Variants in SLMAP observed in about 807,000 individuals in gnomAD.
The protein encoded by SLMAP is sarcolemmal membrane-associated protein.
Under a neutral mutation model 128.8 loss-of-function variants are expected in SLMAP, and 44 were observed. The ratio of observed to expected loss-of-function variants is 0.34; its 90% CI spans 0.27 to 0.44. The LOEUF is 0.44. Ranked by LOEUF, SLMAP falls within the 20% of genes least tolerant of loss-of-function variation. SLMAP has a pLI of 1.00. For synonymous variants in SLMAP, 327 were observed against 348.8 expected, an observed-to-expected ratio of 0.94 and a Z score of 0.70; for missense variants, 787 against 985.3, an observed-to-expected ratio of 0.80 and a Z score of 2.69.
At chr3:57,846,213 A>G (rs1270535914) in intron 4 of SLMAP, among the ~76,000 whole-genome samples, 2 of 152,212 alleles carry the variant, frequency 1.3e-5, no homozygotes, top group Non-Finnish European at 2.9e-5. Context: ...GCTGGTGGGT[A>G]GAGCTAGATT....
At chr3:57,809,453 G>A (rs2090529138) in intron 2 of SLMAP, among the ~76,000 whole-genome samples, 1 of 152,184 alleles carries the variant, frequency 6.6e-6, no homozygotes, top group Non-Finnish European at 1.5e-5. Context: ...TTTGGGTGCT[G>A]ACAAACATAG....
intron 2 of SLMAP, among the ~76,000 whole-genome samples, chr3:57,767,017 C>T (rs1259192298): frequency 6.6e-6 from 1 of 152,098 alleles, no homozygotes; most frequent in East Asian, 1.9e-4. Context: ...CTCATGGGTT[C>T]AAGCAGTTCT....
chr3:57,839,886 C>T (rs1301014270), intron 3 of SLMAP, among the ~76,000 whole-genome samples: 1 of 151,784 alleles, frequency 6.6e-6, no homozygotes, highest in East Asian at 1.9e-4. Context: ...AGGGGTTTTG[C>T]CATGTTGGCC....
chr3:57,785,650 T>C (rs17058528), intron 2 of SLMAP, among the ~76,000 whole-genome samples: 2,787 of 152,322 alleles, frequency 0.018, 75 homozygotes, highest in African/African-American at 0.064. Flanking sequence ...TTTTACATTA[T>C]GTGAACTTGC....
At position 57,929,747 on chromosome 3, in the gene SLMAP, A is replaced by C. The variant is rs7614332; in HGVS notation, c.*2458A>C. Among the ~76,000 whole-genome samples the C allele has an allele frequency of 0.12, 17,775 of 152,206 alleles. 1,129 individuals carry two copies. The highest frequency in any genetic ancestry group is 0.16 in the South Asian group (751 of 4,820). On this transcript the variant is annotated 3_prime_UTR_variant, in exon 25 of 25. Transcript: ENST00000671191. ...AGATCTGTATTGGCATCTTGGTTCT[A>C]CCTTTTATCAGATGTTGTTGCCTTG...
chr3:57,847,734 G>T (rs1258854401), intron 5 of SLMAP, among the ~76,000 whole-genome samples: 2 of 152,056 alleles, frequency 1.3e-5, no homozygotes, highest in African/African-American at 2.4e-5. Flanking sequence ...CAGAAATAAT[G>T]GTTTATTCAA....
At chr3:57,842,268 CT>C (rs1306861287) in intron 4 of SLMAP, among the ~76,000 whole-genome samples, 1 of 152,064 alleles carries the variant, frequency 6.6e-6, no homozygotes, top group Non-Finnish European at 1.5e-5. Flanking sequence ...AAGCCACATA[CT>C]TTTCCTTGTT....
intron 15 of SLMAP, among the ~76,000 whole-genome samples, chr3:57,891,407 A>T (rs2096066686): frequency 6.6e-6 from 1 of 152,106 alleles, no homozygotes; most frequent in Non-Finnish European, 1.5e-5. Flanking sequence ...GATATGTTTT[A>T]TAGTTTGATA....
intron 14 of SLMAP, among the ~76,000 whole-genome samples, chr3:57,877,037 T>C (rs1456735854): frequency 6.6e-6 from 1 of 152,018 alleles, no homozygotes; most frequent in Non-Finnish European, 1.5e-5. Context: ...GCCTTTGTAT[T>C]CTTTTTTTTT....
chr3:57,771,788 G>C (rs1007839638), intron 2 of SLMAP, among the ~76,000 whole-genome samples: 2 of 152,066 alleles, frequency 1.3e-5, no homozygotes, highest in South Asian at 2.1e-4. Context: ...TTTTGAATGC[G>C]TGAAACTTTT....
intron 4 of SLMAP, 109 bp from the exon 5 acceptor site, chr3:57,847,088 C>A: frequency 1.5e-6 from 1 of 689,150 alleles, no homozygotes; most frequent in Non-Finnish European, 2.5e-6. Flanking sequence ...TTTTTAATTA[C>A]ATGAAGGCAA....
chr3:57,842,125 G>A (rs1015389208), intron 4 of SLMAP, among the ~76,000 whole-genome samples: 5 of 152,078 alleles, frequency 3.3e-5, no homozygotes, highest in African/African-American at 1.2e-4. Context: ...GAGGGTAGGA[G>A]GTTAAGAGAA....
chr3:57,910,831 A>G (rs1385870044), intron 19 of SLMAP, among the ~76,000 whole-genome samples: 2 of 152,206 alleles, frequency 1.3e-5, no homozygotes, highest in Non-Finnish European at 2.9e-5. Context: ...TAGACAAGTA[A>G]TCACTATTCA....
At chr3:57,877,831 C>CT (rs57685937) in intron 14 of SLMAP, among the ~76,000 whole-genome samples, 2,309 of 111,608 alleles carry the variant, frequency 0.021, 38 homozygotes, top group African/African-American at 0.041. Context: ...TTTTTTCCTT[C>CT]TTTTTTTTTT....
intron 3 of SLMAP, among the ~76,000 whole-genome samples, chr3:57,834,983 G>A (rs181341607): frequency 9.2e-5 from 14 of 151,628 alleles, no homozygotes; most frequent in East Asian, 1.9e-4. Context: ...TCAGCTGGGC[G>A]TGGTGGCGCA....
At chr3:57,886,007 C>T (rs908379982) in intron 14 of SLMAP, among the ~76,000 whole-genome samples, 1 of 151,154 alleles carries the variant, frequency 6.6e-6, no homozygotes, top group Non-Finnish European at 1.5e-5. Context: ...TGGTCTCGAA[C>T]TCCTGACCTC....
rs745875502 is a variant in SLMAP at position 57,831,534 on chromosome 3, CG to C, written c.346+7del. On this transcript the variant is annotated splice_donor_5th_base_variant and intron_variant, in intron 3 of 24. Transcript: ENST00000671191. ...GTGACAGAGAATACACGGAAAGGTA[CG>C]GGTATGGATCACTTTTTTTATTACT... 6.7e-7 allele frequency: 1 copy of C among 1,502,572 alleles called. No homozygotes were observed. The highest frequency in any genetic ancestry group is 1.4e-5 in the African/African-American group (1 of 70,376). 93.1% of individuals were successfully genotyped at this position (1,502,572 alleles called of 1,614,324 possible).
chr3:57,899,022 T>TAA lies in SLMAP; in HGVS notation c.1501+2093_1501+2094dup, dbSNP rs2096305645. The TAA allele has an allele frequency of 2.0e-5, 3 of 152,344 alleles. No homozygotes were observed. The South Asian group carries it at 6.2e-4, about 32-fold the overall frequency. The allele number at this position is 152,344 out of a possible 1,614,324, so 9.4% of individuals were successfully genotyped here. ...TGATCATGATGATGATGGTGATTGA[T>TAA]AAAAGCAGGCCTATCTGTTGAAGGA... is the stretch of plus-strand genomic sequence containing the variant. On this transcript the variant is annotated intron_variant, in intron 17 of 24. Transcript: ENST00000671191.
At chr3:57,860,291 A>T (rs1420610147) in intron 8 of SLMAP, among the ~76,000 whole-genome samples, 2 of 152,194 alleles carry the variant, frequency 1.3e-5, no homozygotes, top group Non-Finnish European at 2.9e-5. Context: ...CCAGACATGA[A>T]GTCTGCTTTT....
Sources: gnomAD v4.1 joint callset for allele counts (sites outside exome capture counted in the v4.1 genomes callset) on GRCh38, gnomAD v4.1.1 for gene constraint, MANE v1.5 for transcripts, NCBI Gene and HGNC (gene_info 2026-07-23, HGNC 2026-07-21) for gene names.